Variants in RPL28 observed in about 807,000 individuals in gnomAD.
The protein encoded by RPL28 is ribosomal protein L28.
Under a neutral mutation model 12.5 loss-of-function variants are expected in RPL28, and 4 were observed. That is an observed-to-expected ratio of 0.32 (90% CI 0.16 to 0.73). The LOEUF (loss-of-function observed/expected upper bound fraction) is 0.73. Ranked by LOEUF, RPL28 falls within the 30% of genes least tolerant of loss-of-function variation. The pLI is 0.66. For missense variants in RPL28, 214 were observed against 197.7 expected, an observed-to-expected ratio of 1.08 and a Z score of -0.49; for synonymous variants, 91 against 72.5, an observed-to-expected ratio of 1.26 and a Z score of -1.30.
rs2089958252 is a variant in RPL28 at position 55,388,470 on chromosome 19, CT to C, written c.*140del. ...ATGTCATCAAAACTCTGCATGTCAC[CT>C]TGTCCATCTGGAGGTGATGTCAATG... On this transcript the variant is annotated 3_prime_UTR_variant, in exon 5 of 5. Transcript: ENST00000344063. 1.1e-5 allele frequency: 15 copies of C among 1,344,712 alleles called. 1 individual carries two copies. In the South Asian group the frequency reaches 2.7e-4, roughly 24 times the overall value. 83.3% of individuals were successfully genotyped at this position (1,344,712 alleles called of 1,614,324 possible).
downstream of RPL28, among the ~76,000 whole-genome samples, chr19:55,392,784 C>A (rs1291981568): frequency 6.6e-6 from 1 of 152,116 alleles, no homozygotes; most frequent in Non-Finnish European, 1.5e-5. Flanking sequence ...CCGCCTCGGT[C>A]CCCCAAAGTG....
At position 55,388,511 on chromosome 19, in the gene RPL28, A is replaced by T; in HGVS notation, c.*179A>T. On this transcript the variant is annotated 3_prime_UTR_variant, in exon 5 of 5. Transcript: ENST00000344063. The stretch of plus-strand genomic sequence containing the variant: ...TGATGTCAATGGCTGGCCATGCAGG[A>T]GGGGTGGGGTAGCTGCCTTGTCCCT... 7.7e-7 allele frequency: 1 copy of T among 1,303,202 alleles called. No individual in the cohort carries two copies. Among genetic ancestry groups the T allele is most frequent in the Non-Finnish European group, 9.8e-7 (1 of 1,022,468 alleles). 80.7% of individuals were successfully genotyped at this position (1,303,202 alleles called of 1,614,324 possible). A position where few individuals can be genotyped will look rare whatever the true frequency, so the allele number is the denominator to read the frequency against.
chr19:55,392,063 G>T lies in RPL28; in HGVS notation c.*3731G>T. 9.8e-7 allele frequency: 1 copy of T among 1,023,338 alleles called. No homozygotes were observed. Among genetic ancestry groups the T allele is most frequent in the Non-Finnish European group, 1.2e-6 (1 of 855,044 alleles). The allele number at this position is 1,023,338 out of a possible 1,614,324, so 63.4% of individuals were successfully genotyped here. On this transcript the variant is annotated 3_prime_UTR_variant, in exon 5 of 5. Transcript: ENST00000344063. ...CTGTTTCTCTTGTAGCCAGTTACTA[G>T]AATAAAATCATCTACTTTAAAATCT...
At chr19:55,387,907 G>C (rs1569040775) in intron 3 of RPL28, 23 bp from the exon 4 acceptor site, 1 of 1,544,432 alleles carries the variant, frequency 6.5e-7, no homozygotes, top group Middle Eastern at 2.4e-4. Context: ...ACTGACCCCA[G>C]GACCTCCCTG....
rs1393683880 is a variant in RPL28, at chr19:55,388,861, T to C, written c.*529T>C. The C allele has an allele frequency of 1.8e-5, 18 of 986,048 alleles. No homozygotes were observed. The highest frequency in any genetic ancestry group is 2.2e-5 in the Non-Finnish European group (18 of 830,516). 61.1% of individuals were successfully genotyped at this position (986,048 alleles called of 1,614,324 possible). ...ATGGGCTTTACTTGATGCAACCTCA[T>C]CTCTGAGATGGGCAACTTGGTGGGT... is the stretch of plus-strand genomic sequence containing the variant. On this transcript the variant is annotated 3_prime_UTR_variant, in exon 5 of 5. Transcript: ENST00000344063.
chr19:55,387,982 T>G lies in RPL28; in HGVS notation c.258T>G (p.Ala86=). The change falls in exon 4 of 5, where the codon GCT becomes GCG. Residue 86 remains alanine (A), a synonymous_variant. Transcript: ENST00000344063. ...SYVRTTINKN[A]RATLSSIRHM... is the part of the protein sequence containing the mutation. ...TGCGGACCACCATCAACAAGAATGC[T>G]CGCGCCACGCTCAGCAGCATCAGAC... 1 of 1,609,686 alleles carries G rather than the reference T, an allele frequency of 6.2e-7. No individual in the cohort carries two copies.
Position 55,386,457 on chromosome 19 carries a change from C to G in RPL28, c.81+19C>G. The G allele has an allele frequency of 1.9e-6, 3 of 1,612,748 alleles. No individual in the cohort carries two copies. Among genetic ancestry groups the G allele is most frequent in the Non-Finnish European group, 1.7e-6 (2 of 1,178,798 alleles). ...CAGCACTGTAAGTGGGGCCCGGATG[C>G]GTGGCTCCTGCGGGAGGAGGGTCCT... On this transcript the variant is annotated intron_variant, in intron 2 of 4. Transcript: ENST00000344063.
rs2089962014 is a variant in RPL28 at position 55,388,854 on chromosome 19, A to G, written c.*522A>G. ...GGAGGGGATGGGCTTTACTTGATGC[A>G]ACCTCATCTCTGAGATGGGCAACTT... On this transcript the variant is annotated 3_prime_UTR_variant, in exon 5 of 5. Coordinates refer to ENST00000344063, the MANE Select transcript of RPL28 (RefSeq NM_000991.5). The G allele has an allele frequency of 6.1e-6, 6 of 986,356 alleles. No homozygotes were observed. Among genetic ancestry groups the G allele is most frequent in the Non-Finnish European group, 7.2e-6 (6 of 830,622 alleles). 61.1% of individuals were successfully genotyped at this position (986,356 alleles called of 1,614,324 possible). A position where few individuals can be genotyped will look rare whatever the true frequency, so the allele number is the denominator to read the frequency against.
intron 3 of RPL28, chr19:55,387,475 A>G: frequency 6.8e-7 from 1 of 1,472,380 alleles, no homozygotes; most frequent in Non-Finnish European, 9.0e-7. Context: ...CACCTCTTGG[A>G]TTGCCGAATA....
At position 55,388,811 on chromosome 19, in the gene RPL28, G is replaced by A; in HGVS notation, c.*479G>A. The stretch of plus-strand genomic sequence containing the variant: ...ATGAGATGACTTTTGCATCCAGGGA[G>A]TGGGTGCAGCCACATTTGGAGGGGA... On this transcript the variant is annotated 3_prime_UTR_variant, in exon 5 of 5. Coordinates refer to ENST00000344063, the MANE Select transcript of RPL28 (RefSeq NM_000991.5). 4 of 989,648 alleles carry A rather than the reference G, an allele frequency of 4.0e-6. No homozygotes were observed. The highest frequency in any genetic ancestry group is 3.6e-6 in the Non-Finnish European group (3 of 832,904). 61.3% of individuals were successfully genotyped at this position (989,648 alleles called of 1,614,324 possible). A position where few individuals can be genotyped will look rare whatever the true frequency, so the allele number is the denominator to read the frequency against.
Position 55,390,400 on chromosome 19 carries a change from T to C in RPL28, c.*2068T>C. ...TTGTATTTTTAGCAGAGATGGGGTT[T>C]CACCATTTTGCCCAGGCTGGTTTGG... On this transcript the variant is annotated 3_prime_UTR_variant, in exon 5 of 5. Coordinates refer to ENST00000344063, the MANE Select transcript of RPL28 (RefSeq NM_000991.5). 6 of 901,270 alleles carry C rather than the reference T, an allele frequency of 6.7e-6. No individual in the cohort carries two copies. Among genetic ancestry groups the C allele is most frequent in the Non-Finnish European group, 8.0e-6 (6 of 753,570 alleles). 55.8% of individuals were successfully genotyped at this position (901,270 alleles called of 1,614,324 possible). A position where few individuals can be genotyped will look rare whatever the true frequency, so the allele number is the denominator to read the frequency against.
At chr19:55,401,645 T>G in intron 4 of RPL28, 6 of 1,608,876 alleles carry the variant, frequency 3.7e-6, no homozygotes, top group African/African-American at 1.3e-5. Flanking sequence ...CCCCCGTGGA[T>G]CTCTGTGAGC....
Position 55,386,337 on chromosome 19 carries a change from C to T in RPL28, c.-8-13C>T, listed in dbSNP as rs773180172. On this transcript the variant is annotated splice_polypyrimidine_tract_variant and intron_variant, in intron 1 of 4. Coordinates refer to ENST00000344063, the MANE Select transcript of RPL28 (RefSeq NM_000991.5). ...CTGTGTCTGACGCTTTCCCTGTGCC[C>T]GTTTCCCCGCAGCCGCCGCCATGTC... is the stretch of plus-strand genomic sequence containing the variant. 3.7e-6 allele frequency: 6 copies of T among 1,612,212 alleles called. No individual in the cohort carries two copies. The highest frequency in any genetic ancestry group is 1.7e-4 in the Middle Eastern group (1 of 5,786).
chr19:55,400,111 G>A (rs1980140537), intron 4 of RPL28: 1 of 152,162 alleles, frequency 6.6e-6, no homozygotes. Flanking sequence ...TATTAGAATA[G>A]GCAAATTCTT....
In RPL28 at chr19:55,388,855, A is replaced by G. The variant is rs112863024; in HGVS notation, c.*523A>G. 6,047 of 986,208 alleles carry G rather than the reference A, an allele frequency of 6.1e-3. 56 individuals are homozygous for G. The highest frequency in any genetic ancestry group is 0.031 in the African/African-American group (1,761 of 57,340). The allele number at this position is 986,208 out of a possible 1,614,324, so 61.1% of individuals were successfully genotyped here. A position where few individuals can be genotyped will look rare whatever the true frequency, so the allele number is the denominator to read the frequency against. On this transcript the variant is annotated 3_prime_UTR_variant, in exon 5 of 5. Transcript: ENST00000344063. ...GAGGGGATGGGCTTTACTTGATGCA[A>G]CCTCATCTCTGAGATGGGCAACTTG...
chr19:55,401,537 C>T (rs897520466), intron 4 of RPL28: 1 of 1,610,688 alleles, frequency 6.2e-7, no homozygotes, highest in African/African-American at 1.3e-5. Context: ...CCCTCAGCCC[C>T]TCCCGGGCCC....
downstream of RPL28, among the ~76,000 whole-genome samples, chr19:55,393,607 C>G (rs2090005255): frequency 6.6e-6 from 1 of 151,688 alleles, no homozygotes; most frequent in Non-Finnish European, 1.5e-5. Context: ...CCCCTCTAGC[C>G]CCTGCCCTGC....
rs542680770 is a variant in RPL28, at chr19:55,388,743, G to A, written c.*411G>A. ...CTGTAGCACGGTTTGGGGACTTGGGGTGTTCCCAAGACCTGGGGGACGACA... is the reference window on the plus strand; with the variant it reads ...CTGTAGCACGGTTTGGGGACTTGGGATGTTCCCAAGACCTGGGGGACGACA... On this transcript the variant is annotated 3_prime_UTR_variant, in exon 5 of 5. Coordinates refer to ENST00000344063, the MANE Select transcript of RPL28 (RefSeq NM_000991.5). 1.2e-5 allele frequency: 12 copies of A among 1,016,364 alleles called. No homozygotes were observed. In the African/African-American group the frequency reaches 1.9e-4, roughly 16 times the overall value. 63.0% of individuals were successfully genotyped at this position (1,016,364 alleles called of 1,614,324 possible).
At chr19:55,400,282 G>A (rs906157422) in intron 4 of RPL28, 54 of 152,310 alleles carry the variant, frequency 3.5e-4, no homozygotes, top group African/African-American at 1.1e-3. Context: ...ACCTCCTAAA[G>A]TTGGGATTAC....
Sources: gnomAD v4.1 joint callset for allele counts (sites outside exome capture counted in the v4.1 genomes callset) on GRCh38, gnomAD v4.1.1 for gene constraint, MANE v1.5 for transcripts, NCBI Gene and HGNC (gene_info 2026-07-23, HGNC 2026-07-21) for gene names.